ASTN2: variants seen among roughly 807,000 people sequenced by gnomAD.
ASTN2 encodes astrotactin 2, also known as astrotactin-2.
Under a neutral mutation model 139.8 loss-of-function variants are expected in ASTN2, and 54 were observed. That is an observed-to-expected ratio of 0.39 (90% CI 0.31 to 0.48). The LOEUF (loss-of-function observed/expected upper bound fraction) is 0.48. Ranked by LOEUF, ASTN2 falls within the 20% of genes least tolerant of loss-of-function variation. The probability of loss-of-function intolerance (pLI) is 0.95; values close to 1 mark genes in which losing one functional copy is unlikely to be tolerated. For missense variants in ASTN2, 1,565 were observed against 1,725.1 expected, an observed-to-expected ratio of 0.91 and a Z score of 1.64; for synonymous variants, 756 against 719.5, an observed-to-expected ratio of 1.05 and a Z score of -0.81.
chr9:117,261,570 G>T (rs1833823674), intron 2 of ASTN2, among the ~76,000 whole-genome samples: 1 of 152,056 alleles, frequency 6.6e-6, no homozygotes, highest in Admixed American at 6.6e-5. Context: ...ACAAAAGAAT[G>T]TTGAACTCCA....
At chr9:116,536,763 C>G (rs1054729799) in intron 19 of ASTN2, among the ~76,000 whole-genome samples, 5 of 152,204 alleles carry the variant, frequency 3.3e-5, no homozygotes, top group African/African-American at 1.2e-4. Flanking sequence ...TCAGTCTGCC[C>G]CTACTAGGGG....
intron 13 of ASTN2, among the ~76,000 whole-genome samples, chr9:116,789,216 T>A (rs1426992993): frequency 6.6e-6 from 1 of 152,094 alleles, no homozygotes; most frequent in African/African-American, 2.4e-5. Context: ...CTAGAAAGCA[T>A]CAAAAAGAAA....
chr9:117,380,257 T>A (rs1830230948), intron 1 of ASTN2, among the ~76,000 whole-genome samples: 1 of 152,082 alleles, frequency 6.6e-6, no homozygotes, highest in South Asian at 2.1e-4. Flanking sequence ...AACAAACGTA[T>A]AACTCACAAA....
At chr9:116,506,908 AC>A (rs1850135895) in intron 19 of ASTN2, among the ~76,000 whole-genome samples, 1 of 151,990 alleles carries the variant, frequency 6.6e-6, no homozygotes, top group African/African-American at 2.4e-5. Context: ...TTTGTGACTC[AC>A]CTGCCCTCTC....
At chr9:116,479,183 T>G (rs561616569) in intron 20 of ASTN2, among the ~76,000 whole-genome samples, 1 of 152,154 alleles carries the variant, frequency 6.6e-6, no homozygotes, top group African/African-American at 2.4e-5. Flanking sequence ...CAATCTCACC[T>G]CCTATCATCT....
chr9:116,969,010 T>C (rs547717310), intron 10 of ASTN2, among the ~76,000 whole-genome samples: 2 of 152,278 alleles, frequency 1.3e-5, no homozygotes, highest in Admixed American at 1.3e-4. Flanking sequence ...CCAACATCTA[T>C]TTGCTACCTG....
chr9:117,228,216 A>G (rs1344177513), intron 2 of ASTN2, among the ~76,000 whole-genome samples: 2 of 122,710 alleles, frequency 1.6e-5, no homozygotes, highest in East Asian at 3.8e-4. Context: ...AACTTTGTAT[A>G]TAGGTGTTTG....
chr9:116,710,136 C>T (rs757646631), intron 16 of ASTN2, among the ~76,000 whole-genome samples: 28 of 152,078 alleles, frequency 1.8e-4, no homozygotes, highest in Non-Finnish European at 3.1e-4. Flanking sequence ...CCATGCAAGC[C>T]CCAGATAATA....
intron 16 of ASTN2, among the ~76,000 whole-genome samples, chr9:116,654,020 C>T (rs369230817): frequency 2.0e-5 from 3 of 152,286 alleles, no homozygotes; most frequent in East Asian, 3.9e-4. Context: ...AAGATGATGA[C>T]GACTTTTTGT....
chr9:116,766,195 C>A (rs1314436966), intron 13 of ASTN2, among the ~76,000 whole-genome samples: 5 of 151,922 alleles, frequency 3.3e-5, no homozygotes, highest in African/African-American at 9.7e-5. Flanking sequence ...AGACGACAAC[C>A]CCCACTGGGC....
At chr9:117,122,202 G>A (rs1243514718) in intron 4 of ASTN2, among the ~76,000 whole-genome samples, 2 of 152,202 alleles carry the variant, frequency 1.3e-5, no homozygotes, top group Non-Finnish European at 2.9e-5. Context: ...TTTCAGGTAT[G>A]CTATTGGATG....
intron 19 of ASTN2, among the ~76,000 whole-genome samples, chr9:116,523,665 T>C (rs1350954721): frequency 6.6e-6 from 1 of 152,156 alleles, no homozygotes; most frequent in Non-Finnish European, 1.5e-5. Context: ...ATGGCATATA[T>C]GAGGCATGGG....
At chr9:117,014,637 C>T (rs891035392) in intron 6 of ASTN2, among the ~76,000 whole-genome samples, 1 of 152,104 alleles carries the variant, frequency 6.6e-6, no homozygotes, top group Non-Finnish European at 1.5e-5. Flanking sequence ...AATTCATATG[C>T]TGCAGTTCTA....
chr9:117,312,093 T>C (rs529445286), intron 1 of ASTN2, among the ~76,000 whole-genome samples: 20 of 152,280 alleles, frequency 1.3e-4, no homozygotes, highest in African/African-American at 4.8e-4. Flanking sequence ...ACCCCATATG[T>C]AAAACACTAA....
intron 3 of ASTN2, among the ~76,000 whole-genome samples, chr9:117,154,969 G>A (rs1416070937): frequency 6.6e-6 from 1 of 151,980 alleles, no homozygotes; most frequent in Non-Finnish European, 1.5e-5. Flanking sequence ...GTGACATTAT[G>A]GAGAGAGCCC....
chr9:117,295,281 C>T (rs767072907), intron 1 of ASTN2, among the ~76,000 whole-genome samples: 1 of 152,052 alleles, frequency 6.6e-6, no homozygotes, highest in Non-Finnish European at 1.5e-5. Context: ...AAGATTGCGC[C>T]ACTGCACTCC....
intron 3 of ASTN2, among the ~76,000 whole-genome samples, chr9:117,166,557 C>T (rs946338088): frequency 2.0e-5 from 3 of 152,060 alleles, no homozygotes; most frequent in Non-Finnish European, 4.4e-5. Context: ...CAAAACAAGC[C>T]AAACCTAACG....
intron 19 of ASTN2, among the ~76,000 whole-genome samples, chr9:116,512,429 G>C (rs113954010): frequency 1.3e-5 from 2 of 152,156 alleles, no homozygotes; most frequent in African/African-American, 4.8e-5. Context: ...CAACTATGTG[G>C]TCAATTTTGG....
chr9:117,329,184 T>A (rs1828621327), intron 1 of ASTN2, among the ~76,000 whole-genome samples: 1 of 148,716 alleles, frequency 6.7e-6, no homozygotes, highest in Non-Finnish European at 1.5e-5. Context: ...CAAGTTCTTT[T>A]TTTTTTTTTT....
Sources: gnomAD v4.1 joint callset for allele counts (sites outside exome capture counted in the v4.1 genomes callset) on GRCh38, gnomAD v4.1.1 for gene constraint, MANE v1.5 for transcripts, NCBI Gene and HGNC (gene_info 2026-07-23, HGNC 2026-07-21) for gene names.